Variants in HCN1 observed in about 807,000 individuals in gnomAD.
HCN1 encodes the protein potassium/sodium hyperpolarization-activated cyclic nucleotide-gated channel 1.
HCN1 carries 13 observed loss-of-function variants against 78.9 expected under a neutral mutation model. That is an observed-to-expected ratio of 0.16 (90% confidence interval 0.11 to 0.26). The LOEUF is 0.26. Ranked by LOEUF, HCN1 falls within the 10% of genes least tolerant of loss-of-function variation. The probability of loss-of-function intolerance (pLI) is 1.00; values close to 1 mark genes in which losing one functional copy is unlikely to be tolerated. For missense variants in HCN1, 810 were observed against 1,154.3 expected (o/e 0.70, Z 4.32); for synonymous variants, 552 against 455.5 (o/e 1.21, Z -2.70).
intron 3 of HCN1, among the ~76,000 whole-genome samples, chr5:45,453,129 T>G (rs1740957061): frequency 6.6e-6 from 1 of 152,078 alleles, no homozygotes. Flanking sequence ...GCAACTTAGC[T>G]TACATAATTT....
intron 2 of HCN1, among the ~76,000 whole-genome samples, chr5:45,498,593 T>C (rs1255285484): frequency 1.3e-5 from 2 of 152,214 alleles, no homozygotes; most frequent in Non-Finnish European, 2.9e-5. Flanking sequence ...CTCGTCAAAG[T>C]CATTTTCCGT....
intron 1 of HCN1, among the ~76,000 whole-genome samples, chr5:45,650,129 A>G (rs1312839836): frequency 6.6e-6 from 1 of 152,142 alleles, no homozygotes; most frequent in Non-Finnish European, 1.5e-5. Flanking sequence ...GGCAGACCAG[A>G]GTTAAAATCC....
At chr5:45,550,205 T>C (rs1743336012) in intron 2 of HCN1, among the ~76,000 whole-genome samples, 1 of 152,192 alleles carries the variant, frequency 6.6e-6, no homozygotes, top group Admixed American at 6.5e-5. Flanking sequence ...CACGTATGTT[T>C]ATTGCGGCAC....
chr5:45,531,244 C>T (rs1742841603), intron 2 of HCN1, among the ~76,000 whole-genome samples: 1 of 152,152 alleles, frequency 6.6e-6, no homozygotes, highest in Non-Finnish European at 1.5e-5. Context: ...TTTGAACTGG[C>T]ACTGTTATTG....
At chr5:45,533,298 A>C (rs1251029844) in intron 2 of HCN1, among the ~76,000 whole-genome samples, 1 of 152,244 alleles carries the variant, frequency 6.6e-6, no homozygotes, top group African/African-American at 2.4e-5. Context: ...CCACAAAAAA[A>C]AACTCATAAA....
At chr5:45,545,134 C>A (rs866693542) in intron 2 of HCN1, among the ~76,000 whole-genome samples, 10 of 152,020 alleles carry the variant, frequency 6.6e-5, no homozygotes, top group African/African-American at 2.2e-4. Context: ...TTTTAATGAT[C>A]GCCATTCTAA....
intron 4 of HCN1, among the ~76,000 whole-genome samples, chr5:45,376,887 T>G (rs1419418482): frequency 2.6e-5 from 4 of 151,974 alleles, no homozygotes; most frequent in African/African-American, 7.2e-5. Flanking sequence ...CTTAGAAGAT[T>G]TCAGGTAATT....
intron 2 of HCN1, among the ~76,000 whole-genome samples, chr5:45,561,953 G>T (rs929264454): frequency 5.9e-5 from 9 of 152,114 alleles, no homozygotes; most frequent in African/African-American, 2.2e-4. Flanking sequence ...GCATTTGGCT[G>T]GTCCTGGTTT....
intron 5 of HCN1, among the ~76,000 whole-genome samples, chr5:45,308,926 A>T (rs1466460447): frequency 6.6e-6 from 1 of 152,112 alleles, no homozygotes; most frequent in Non-Finnish European, 1.5e-5. Flanking sequence ...GTTTAATGGG[A>T]ATAGCATTGA....
intron 2 of HCN1, among the ~76,000 whole-genome samples, chr5:45,514,625 G>C (rs1183372985): frequency 6.6e-6 from 1 of 152,012 alleles, no homozygotes; most frequent in Non-Finnish European, 1.5e-5. Flanking sequence ...GTTCCTGCTT[G>C]TTGATCTGAC....
At chr5:45,674,720 G>A (rs1210515358) in intron 1 of HCN1, among the ~76,000 whole-genome samples, 3 of 151,588 alleles carry the variant, frequency 2.0e-5, no homozygotes, top group Non-Finnish European at 4.4e-5. Flanking sequence ...ACATTTTAGA[G>A]TACAATAAAC....
chr5:45,270,183 A>G (rs1011242451), intron 6 of HCN1, among the ~76,000 whole-genome samples: 4 of 152,188 alleles, frequency 2.6e-5, no homozygotes, highest in Non-Finnish European at 5.9e-5. Context: ...ACACAACAGC[A>G]TCCAAAGTTT....
At chr5:45,413,939 G>A (rs1740070177) in intron 3 of HCN1, among the ~76,000 whole-genome samples, 1 of 151,782 alleles carries the variant, frequency 6.6e-6, no homozygotes. Flanking sequence ...AAAAATTAAA[G>A]GCAATCTTAA....
intron 3 of HCN1, among the ~76,000 whole-genome samples, chr5:45,449,194 T>A (rs1740859689): frequency 6.6e-6 from 1 of 152,196 alleles, no homozygotes. Context: ...ATCCCCACAT[T>A]ACAGATAAAG....
At position 45,347,871 on chromosome 5, in the gene HCN1, G is replaced by T. The variant is rs184420322; in HGVS notation, c.1377+5229C>A. 6.5e-3 allele frequency among the ~76,000 whole-genome samples: 983 copies of T among 152,314 alleles called. 2 individuals are homozygous for T. Among genetic ancestry groups the T allele is most frequent in the Middle Eastern group, 0.024 (7 of 294 alleles). On this transcript the variant is annotated intron_variant, in intron 5 of 7. Transcript: ENST00000303230. ...CAAGAAATATGGGATTATATGAAAA[G>T]ACCAAATCTACGTCTGATTGGTGTA...
At chr5:45,598,164 T>C (rs1220451741) in intron 2 of HCN1, among the ~76,000 whole-genome samples, 1 of 152,152 alleles carries the variant, frequency 6.6e-6, no homozygotes, top group African/African-American at 2.4e-5. Context: ...GACTTCAAAC[T>C]ATACTACAAG....
At chr5:45,347,808 T>A (rs1356772724) in intron 5 of HCN1, among the ~76,000 whole-genome samples, 1 of 151,590 alleles carries the variant, frequency 6.6e-6, no homozygotes, top group Non-Finnish European at 1.5e-5. Flanking sequence ...GAAGGGAAGT[T>A]TAGAGAAAAA....
At position 45,325,095 on chromosome 5, in the gene HCN1, C is replaced by T. The variant is rs540413961; in HGVS notation, c.1378-21256G>A. The stretch of plus-strand genomic sequence containing the variant: ...AATGTACTCAGGATTATTACAAGGC[C>T]GTTGCCCCCATTATGGCTCTGAGGT... On this transcript the variant is annotated intron_variant, in intron 5 of 7. Transcript: ENST00000303230. 3.3e-5 allele frequency among the ~76,000 whole-genome samples: 5 copies of T among 151,726 alleles called. No individual in the cohort carries two copies. The East Asian group carries it at 5.9e-4, about 18-fold the overall frequency.
chr5:45,261,731 C>T lies in HCN1; in HGVS notation c.*190G>A. On this transcript the variant is annotated 3_prime_UTR_variant, in exon 8 of 8. Coordinates refer to ENST00000303230, the MANE Select transcript of HCN1 (RefSeq NM_021072.4). The stretch of plus-strand genomic sequence containing the variant: ...TGCTAAACAGGTCTTTTGACCCTCT[C>T]TTGGGAATTTAGATATATATTTTAT... 2 of 566,660 alleles carry T rather than the reference C, an allele frequency of 3.5e-6. No homozygotes were observed. Among genetic ancestry groups the T allele is most frequent in the Non-Finnish European group, 5.9e-6 (2 of 338,472 alleles). 35.1% of individuals were successfully genotyped at this position (566,660 alleles called of 1,614,324 possible).
Sources: allele counts gnomAD v4.1 joint callset (sites outside exome capture counted in the v4.1 genomes callset), GRCh38; gene constraint gnomAD v4.1.1; transcripts MANE v1.5; gene names NCBI Gene and HGNC (gene_info 2026-07-23, HGNC 2026-07-21).